The following LGMN variants were observed in gnomAD, a reference collection of about 807,000 sequenced individuals.
LGMN encodes the protein legumain, also known as asparaginyl endopeptidase.
Under a neutral mutation model 56.8 loss-of-function variants are expected in LGMN, and 36 were observed. That is an observed-to-expected ratio of 0.63 (90% CI 0.49 to 0.84). The LOEUF (loss-of-function observed/expected upper bound fraction) is 0.84, where lower values mean the gene tolerates loss of function less well. Ranked by LOEUF, LGMN falls within the 40% of genes least tolerant of loss-of-function variation. The pLI, the probability that LGMN is intolerant of heterozygous loss-of-function variation, is 0.00. For synonymous variants in LGMN, 199 were observed against 210.1 expected (o/e 0.95, Z 0.46); for missense variants, 446 against 556.1 (o/e 0.80, Z 1.99).
intron 2 of LGMN, among the ~76,000 whole-genome samples, chr14:92,730,215 T>C (rs1470163450): frequency 6.6e-6 from 1 of 152,204 alleles, no homozygotes; most frequent in African/African-American, 2.4e-5. Flanking sequence ...TGCTCCTCTT[T>C]ACATGGGTCA....
chr14:92,735,309 C>T (rs1328832013), intron 1 of LGMN, among the ~76,000 whole-genome samples: 3 of 152,072 alleles, frequency 2.0e-5, no homozygotes, highest in Non-Finnish European at 2.9e-5. Context: ...CAGGTTCAAG[C>T]GATTCTCCTG....
At chr14:92,718,632 G>T in intron 3 of LGMN, 115 bp downstream of exon 3, 1 of 581,562 alleles carries the variant, frequency 1.7e-6, no homozygotes, top group African/African-American at 1.9e-5. Context: ...TCTTCTGTCT[G>T]GGAGTCTCTT....
chr14:92,719,332 A>ACCACCGCCG (rs1566924714), intron 2 of LGMN, among the ~76,000 whole-genome samples: 1,425 of 83,358 alleles, frequency 0.017, 53 homozygotes, highest in East Asian at 0.14. Context: ...CGCCACCGCC[A>ACCACCGCCG]CCGCCATCAC....
At chr14:92,740,631 C>T (rs1459513030) in intron 1 of LGMN, among the ~76,000 whole-genome samples, 1 of 152,238 alleles carries the variant, frequency 6.6e-6, no homozygotes, top group Admixed American at 6.5e-5. Flanking sequence ...AGAGCAGGCC[C>T]TCACAGTTTC....
At chr14:92,705,032 G>C (rs1889357392) in intron 12 of LGMN, 1 of 283,690 alleles carries the variant, frequency 3.5e-6, no homozygotes, top group East Asian at 6.2e-5. Context: ...TCTGCCTTTT[G>C]ATTCTGGGAG....
chr14:92,709,859 A>T lies in LGMN; in HGVS notation c.833T>A (p.Met278Lys). 1 of 1,605,586 alleles carries T rather than the reference A, an allele frequency of 6.2e-7. No individual in the cohort carries two copies. The highest frequency in any genetic ancestry group is 8.5e-7 in the Non-Finnish European group (1 of 1,174,788). ...CATACCCTGAAACTGCATCACTTTC[A>T]TGGTGGAGATTGTCTGGGGAGACAG... ...MQYGNKTIST[M>K]KVMQFQGMKR... Residue 278 changes from methionine to lysine, a missense_variant, in exon 11 of 14, where the codon ATG (methionine) becomes AAG (lysine). Coordinates refer to ENST00000334869, the MANE Select transcript of LGMN (RefSeq NM_005606.7).
chr14:92,746,373 G>T (rs1891821001), intron 1 of LGMN, among the ~76,000 whole-genome samples: 2 of 152,002 alleles, frequency 1.3e-5, no homozygotes, highest in African/African-American at 4.8e-5. Flanking sequence ...TAAAAAAAAA[G>T]AATATGCTGG....
At chr14:92,722,974 C>T (rs1475460820) in intron 2 of LGMN, among the ~76,000 whole-genome samples, 3 of 152,088 alleles carry the variant, frequency 2.0e-5, no homozygotes, top group Admixed American at 6.6e-5. Flanking sequence ...AAAGTGGAGC[C>T]GCGATTTTGG....
chr14:92,705,537 G>A (rs902137666), intron 12 of LGMN, among the ~76,000 whole-genome samples: 1 of 152,022 alleles, frequency 6.6e-6, no homozygotes, highest in Admixed American at 6.6e-5. Context: ...CAAGACTGGA[G>A]GGGTAAAGTC....
intron 10 of LGMN, among the ~76,000 whole-genome samples, chr14:92,711,080 G>A (rs1323671984): frequency 1.3e-5 from 2 of 152,206 alleles, no homozygotes; most frequent in African/African-American, 2.4e-5. Flanking sequence ...CCAAACGCTA[G>A]CCCCAGCAGC....
intron 10 of LGMN, among the ~76,000 whole-genome samples, chr14:92,710,751 G>A (rs1160719524): frequency 6.6e-6 from 1 of 152,172 alleles, no homozygotes; most frequent in Non-Finnish European, 1.5e-5. Flanking sequence ...CCCCCACATG[G>A]CCAGGGCTAT....
intron 10 of LGMN, among the ~76,000 whole-genome samples, chr14:92,710,956 C>T (rs12889434): frequency 0.63 from 96,175 of 152,132 alleles, 30,870 homozygotes; most frequent in East Asian, 0.74. Flanking sequence ...AGAAGGCCAA[C>T]GTTTGTGCCC....
Position 92,709,781 on chromosome 14 carries a change from A to C in LGMN, c.911T>G (p.Leu304Arg). Residue 304 changes from leucine to arginine, a missense_variant, in exon 11 of 14, where the codon CTC (leucine) becomes CGC (arginine). Leu to Arg is a moderately radical substitution (Grantham distance 102, BLOSUM62 -2). Coordinates refer to ENST00000334869, the MANE Select transcript of LGMN (RefSeq NM_005606.7). Reference sequence around the variant, plus strand: ...GAGAGGCACATCAGGGCTGGGGGTGAGGTCAAGGTGTGTGACTGGAGGTAG... The same window carrying C: ...GAGAGGCACATCAGGGCTGGGGGTGCGGTCAAGGTGTGTGACTGGAGGTAG... ...VPLPPVTHLD[L>R]TPSPDVPLTI... 2.5e-6 allele frequency: 4 copies of C among 1,613,990 alleles called. No homozygotes were observed. Among genetic ancestry groups the C allele is most frequent in the Non-Finnish European group, 3.4e-6 (4 of 1,179,920 alleles).
At chr14:92,737,889 C>A (rs1891375941) in intron 1 of LGMN, among the ~76,000 whole-genome samples, 1 of 152,180 alleles carries the variant, frequency 6.6e-6, no homozygotes, top group African/African-American at 2.4e-5. Flanking sequence ...TGAGAAGATG[C>A]CCCCAGACCA....
chr14:92,709,149 C>T (rs990984544), intron 11 of LGMN, among the ~76,000 whole-genome samples: 4 of 151,638 alleles, frequency 2.6e-5, no homozygotes, highest in Non-Finnish European at 5.9e-5. Flanking sequence ...TTTCTGAGAA[C>T]AGCAGAAATT....
intron 11 of LGMN, 76 bp from the exon 12 acceptor site, chr14:92,706,729 G>T: frequency 1.5e-6 from 2 of 1,318,128 alleles, no homozygotes; most frequent in African/African-American, 1.5e-5. Context: ...GGTGAGAAGT[G>T]CATTCAAAGG....
At chr14:92,724,237 C>A (rs1890637104) in intron 2 of LGMN, among the ~76,000 whole-genome samples, 1 of 152,224 alleles carries the variant, frequency 6.6e-6, no homozygotes, top group African/African-American at 2.4e-5. Context: ...GTTACTCCTG[C>A]ACTGTTTGGG....
At chr14:92,739,553 G>A (rs559927983) in intron 1 of LGMN, among the ~76,000 whole-genome samples, 49 of 152,278 alleles carry the variant, frequency 3.2e-4, no homozygotes, top group African/African-American at 1.2e-3. Flanking sequence ...AAAACTCTTC[G>A]TGGAGGTGGC....
chr14:92,706,588 C>G lies in LGMN; in HGVS notation c.1086G>C (p.Glu362Asp). The part of the protein sequence containing the change: ...IVSLLAASEA[E>D]VEQLLSERAP... ...CTCTCTCGGACAGGAGCTGCTCCAC[C>G]TCAGCCTCGGACGCTGCCAGCAAGG... Residue 362 changes from glutamate to aspartate, a missense_variant, in exon 12 of 14, where the codon GAG (glutamate) becomes GAC (aspartate). Glu to Asp is a conservative substitution (Grantham distance 45). Coordinates refer to ENST00000334869, the MANE Select transcript of LGMN (RefSeq NM_005606.7). 8 of 1,604,694 alleles carry G rather than the reference C, an allele frequency of 5.0e-6. No homozygotes were observed. Among genetic ancestry groups the G allele is most frequent in the Non-Finnish European group, 6.8e-6 (8 of 1,172,356 alleles).
Sources: gnomAD v4.1 joint callset for allele counts (sites outside exome capture counted in the v4.1 genomes callset) on GRCh38, gnomAD v4.1.1 for gene constraint, MANE v1.5 for transcripts, NCBI Gene and HGNC (gene_info 2026-07-23, HGNC 2026-07-21) for gene names.